The following MTMR3 variants were observed in gnomAD, a reference collection of about 807,000 sequenced individuals.
MTMR3 encodes the protein phosphatidylinositol-3,5-bisphosphate 3-phosphatase MTMR3.
Under a neutral mutation model 132.4 loss-of-function variants are expected in MTMR3, and 32 were observed. That is an observed-to-expected ratio of 0.24 (90% CI 0.18 to 0.32). The LOEUF is 0.32. Among genes scored for constraint, MTMR3 ranks in the 10% least tolerant of loss-of-function variants. The probability of loss-of-function intolerance (pLI) is 1.00; values close to 1 mark genes in which losing one functional copy is unlikely to be tolerated. For synonymous variants in MTMR3, 556 were observed against 550.3 expected (o/e 1.01, Z -0.14); for missense variants, 1,216 against 1,489.6 (o/e 0.82, Z 3.02).
chr22:29,939,632 G>C (rs2065816444), intron 1 of MTMR3, among the ~76,000 whole-genome samples: 2 of 151,802 alleles, frequency 1.3e-5, no homozygotes, highest in Non-Finnish European at 2.9e-5. Flanking sequence ...CTTTCTATAT[G>C]TATGAAGGTA....
intron 1 of MTMR3, among the ~76,000 whole-genome samples, chr22:29,904,382 T>G (rs1447519968): frequency 6.6e-6 from 1 of 152,220 alleles, no homozygotes; most frequent in African/African-American, 2.4e-5. Context: ...AGTACTTGAG[T>G]CCAGACATCA....
intron 1 of MTMR3, among the ~76,000 whole-genome samples, chr22:29,937,571 C>T (rs766169457): frequency 1.3e-5 from 2 of 152,020 alleles, no homozygotes; most frequent in Non-Finnish European, 2.9e-5. Context: ...CTACAGGTGC[C>T]GCCGCACCCA....
intron 5 of MTMR3, chr22:29,981,818 C>CAA (rs34291296): frequency 0.33 from 35,262 of 106,180 alleles, 5,758 homozygotes; most frequent in East Asian, 0.59. Flanking sequence ...GAGACTCTGT[C>CAA]AAAAAAAAAA....
At chr22:30,011,111 T>A (rs1264944818) in intron 12 of MTMR3, 1 of 152,196 alleles carries the variant, frequency 6.6e-6, no homozygotes, top group African/African-American at 2.4e-5. Context: ...ATTTCATACT[T>A]ATTCCACAGG....
intron 2 of MTMR3, among the ~76,000 whole-genome samples, chr22:29,970,497 CTTTTTTTTTTT>C (rs11326857): frequency 5.2e-5 from 3 of 57,782 alleles, no homozygotes; most frequent in African/African-American, 2.4e-4. Flanking sequence ...CCATGACCAG[CTTTTTTTTTTT>C]TTTTTTTTTT....
chr22:29,929,640 G>T (rs1301747493), intron 1 of MTMR3, among the ~76,000 whole-genome samples: 1 of 151,938 alleles, frequency 6.6e-6, no homozygotes, highest in African/African-American at 2.4e-5. Flanking sequence ...CTCCCGAGTA[G>T]CTGGGACTAC....
chr22:29,958,183 T>C (rs1027663922), intron 2 of MTMR3, among the ~76,000 whole-genome samples: 3 of 152,184 alleles, frequency 2.0e-5, no homozygotes, highest in African/African-American at 7.2e-5. Context: ...CTTGTCCTTT[T>C]TCAAAAAATG....
chr22:29,915,300 T>C lies in MTMR3; in HGVS notation c.-138+31941T>C, dbSNP rs2065287098. ...CTCTTGTAGCTTTATTACCACAGTA[T>C]TTGCATAATTTTTTCCCATCCTTTT... On this transcript the variant is annotated intron_variant, in intron 1 of 19. Transcript: ENST00000401950. Among the ~76,000 whole-genome samples the C allele has an allele frequency of 3.3e-5, 5 of 152,242 alleles. No individual in the cohort carries two copies. In the South Asian group the frequency reaches 1.0e-3, roughly 31 times the overall value.
chr22:29,928,345 T>C (rs2145784334), intron 1 of MTMR3, among the ~76,000 whole-genome samples: 1 of 152,056 alleles, frequency 6.6e-6, no homozygotes. Flanking sequence ...ATAATGTTTG[T>C]ATTTTTAGTA....
At chr22:30,008,995 C>G (rs1216647159) in intron 11 of MTMR3, 23 bp from the exon 12 acceptor site, 1 of 1,518,978 alleles carries the variant, frequency 6.6e-7, no homozygotes, top group South Asian at 1.1e-5. Context: ...TATTTGTGTT[C>G]TCTTTATTGT....
chr22:29,987,407 C>G (rs1200620622), intron 5 of MTMR3: 2 of 152,160 alleles, frequency 1.3e-5, no homozygotes, highest in Non-Finnish European at 2.9e-5. Flanking sequence ...CTGTCCTCCT[C>G]TTTGCATACT....
At chr22:30,023,394 G>A (rs1448710524) in intron 19 of MTMR3, 1 of 1,568,072 alleles carries the variant, frequency 6.4e-7, no homozygotes, top group African/African-American at 1.4e-5. Context: ...TCCCCACCCT[G>A]CACCCCAAGC....
At chr22:29,935,007 G>A (rs1189850660) in intron 1 of MTMR3, among the ~76,000 whole-genome samples, 1 of 152,196 alleles carries the variant, frequency 6.6e-6, no homozygotes, top group Admixed American at 6.5e-5. Context: ...AGAGCTTTGT[G>A]TGTAATATAT....
intron 1 of MTMR3, among the ~76,000 whole-genome samples, chr22:29,935,711 C>G (rs182938564): frequency 6.7e-6 from 1 of 149,492 alleles, no homozygotes; most frequent in East Asian, 2.0e-4. Flanking sequence ...GGTTTACTGT[C>G]TGATTGAATG....
chr22:29,976,887 C>T (rs886964373), intron 3 of MTMR3, among the ~76,000 whole-genome samples: 1 of 152,080 alleles, frequency 6.6e-6, no homozygotes, highest in Admixed American at 6.6e-5. Flanking sequence ...GGAAGACTTA[C>T]AAAATTATTG....
At chr22:29,974,595 A>AT (rs890649041) in intron 3 of MTMR3, among the ~76,000 whole-genome samples, 32 of 152,202 alleles carry the variant, frequency 2.1e-4, no homozygotes, top group Non-Finnish European at 3.2e-4. Flanking sequence ...TACTTTGGTG[A>AT]TACATATTGG....
Position 30,025,695 on chromosome 22 carries a change from T to A in MTMR3, c.3491T>A (p.Leu1164His), listed in dbSNP as rs376953008. 3.1e-6 allele frequency: 5 copies of A among 1,614,060 alleles called. No individual in the cohort carries two copies. Among genetic ancestry groups the A allele is most frequent in the African/African-American group, 1.3e-5 (1 of 74,912 alleles). ...AAGGTTCCAGTTCCCAGCCAGCAGC[T>A]CTTTGAACCCAGTCGAGTATGCAAG... is the stretch of plus-strand genomic sequence containing the variant. ...NQKVPVPSQQ[L>H]FEPSRVCKSC... The change falls in exon 20 of 20, where the codon CTC becomes CAC. Residue 1164 changes from leucine (L) to histidine (H), a missense_variant. Transcript: ENST00000401950.
chr22:29,932,166 A>T (rs1045428329), intron 1 of MTMR3, among the ~76,000 whole-genome samples: 5 of 152,214 alleles, frequency 3.3e-5, no homozygotes, highest in African/African-American at 1.2e-4. Flanking sequence ...AATTATAAAA[A>T]TTGAGATGTA....
intron 8 of MTMR3, chr22:30,000,934 C>G (rs1477055104): frequency 6.6e-6 from 1 of 151,884 alleles, no homozygotes; most frequent in East Asian, 1.9e-4. Context: ...AAAATTAGAT[C>G]AAGTAAAAAA....
Sources: gnomAD v4.1 joint callset for allele counts (sites outside exome capture counted in the v4.1 genomes callset) on GRCh38, gnomAD v4.1.1 for gene constraint, MANE v1.5 for transcripts, NCBI Gene and HGNC (gene_info 2026-07-23, HGNC 2026-07-21) for gene names.